TMEM108: variants seen among roughly 807,000 people sequenced by gnomAD.
TMEM108 encodes cancer/testis antigen 124.
A neutral mutation model predicts 35.1 loss-of-function variants in TMEM108; 12 were observed. That is an observed-to-expected ratio of 0.34 (90% CI 0.22 to 0.55). The LOEUF (loss-of-function observed/expected upper bound fraction) is 0.55, where lower values mean the gene tolerates loss of function less well. TMEM108 is among the 20% of genes least tolerant of loss of function. TMEM108 has a pLI of 0.89. For missense variants in TMEM108, 680 were observed against 753.3 expected (o/e 0.90, Z 1.14); for synonymous variants, 287 against 308.6 (o/e 0.93, Z 0.73).
At chr3:133,175,042 T>G (rs971991685) in intron 2 of TMEM108, among the ~76,000 whole-genome samples, 2 of 152,148 alleles carry the variant, frequency 1.3e-5, no homozygotes, top group African/African-American at 4.8e-5. Flanking sequence ...CAAGCCTCAG[T>G]AACCGATGCG....
chr3:133,292,320 C>A (rs1947081760), intron 3 of TMEM108, among the ~76,000 whole-genome samples: 1 of 152,184 alleles, frequency 6.6e-6, no homozygotes, highest in South Asian at 2.1e-4. Flanking sequence ...CATAAGATTT[C>A]TTCAAATAAA....
intron 3 of TMEM108, among the ~76,000 whole-genome samples, chr3:133,334,825 G>A (rs1041978565): frequency 6.6e-6 from 1 of 152,160 alleles, no homozygotes; most frequent in African/African-American, 2.4e-5. Flanking sequence ...CCTGGCATCA[G>A]GATAGTTAGA....
At chr3:133,227,905 T>C (rs887641657) in intron 2 of TMEM108, among the ~76,000 whole-genome samples, 3 of 151,794 alleles carry the variant, frequency 2.0e-5, no homozygotes, top group African/African-American at 7.3e-5. Context: ...AAAAAAAACA[T>C]AAAATAAAAT....
intron 4 of TMEM108, among the ~76,000 whole-genome samples, chr3:133,384,792 T>C (rs2073103959): frequency 6.6e-6 from 1 of 152,344 alleles, no homozygotes; most frequent in South Asian, 2.1e-4. Context: ...TGCCTGTTTG[T>C]CACATGTGAT....
rs557143306 is a variant in TMEM108 at position 133,226,745 on chromosome 3, T to A, written c.-46-2521T>A. On this transcript the variant is annotated intron_variant, in intron 2 of 5. Coordinates refer to ENST00000321871, the MANE Select transcript of TMEM108 (RefSeq NM_023943.4). ...TAATATCTAAGAATAGGAAAATATT[T>A]AGAATATAATAAATGAAATAAAAAA... 7.9e-5 allele frequency among the ~76,000 whole-genome samples: 12 copies of A among 152,278 alleles called. No individual in the cohort carries two copies. In the East Asian group the frequency reaches 2.3e-3, roughly 29 times the overall value.
intron 2 of TMEM108, among the ~76,000 whole-genome samples, chr3:133,102,078 G>A (rs773117163): frequency 1.3e-5 from 2 of 152,110 alleles, no homozygotes; most frequent in Non-Finnish European, 2.9e-5. Flanking sequence ...ATTAAGTTAC[G>A]TGATTGTAAT....
intron 2 of TMEM108, among the ~76,000 whole-genome samples, chr3:133,096,831 A>C (rs1470336486): frequency 6.6e-6 from 1 of 152,220 alleles, no homozygotes; most frequent in Non-Finnish European, 1.5e-5. Flanking sequence ...ACTGACACTG[A>C]ATAAATGATT....
Position 133,089,183 on chromosome 3 carries a change from C to T in TMEM108, c.-47+43163C>T, listed in dbSNP as rs530009879. On this transcript the variant is annotated intron_variant, in intron 2 of 5. Transcript: ENST00000321871. ...GCTCCTGTAATCCAATCACCTCCCA[C>T]CAGGCCCCTCCTCTAACATTGGGGA... is the stretch of plus-strand genomic sequence containing the variant. Among the ~76,000 whole-genome samples the T allele has an allele frequency of 2.0e-5, 3 of 152,272 alleles. No homozygotes were observed. The South Asian group carries it at 6.2e-4, about 32-fold the overall frequency.
At chr3:133,387,591 C>T in intron 4 of TMEM108, 1 of 959,716 alleles carries the variant, frequency 1.0e-6, no homozygotes, top group Non-Finnish European at 1.2e-6. Context: ...CCCAGGTTAG[C>T]AGCATGGCCT....
intron 2 of TMEM108, among the ~76,000 whole-genome samples, chr3:133,197,342 G>A (rs566479937): frequency 2.0e-5 from 3 of 152,214 alleles, no homozygotes; most frequent in Admixed American, 2.0e-4. Context: ...ATGAGCAGGC[G>A]GTTTATTTGG....
At chr3:133,120,016 G>T (rs1944333556) in intron 2 of TMEM108, among the ~76,000 whole-genome samples, 1 of 152,306 alleles carries the variant, frequency 6.6e-6, no homozygotes, top group African/African-American at 2.4e-5. Flanking sequence ...AGGGAGGAAT[G>T]TAATTAGTTA....
intron 5 of TMEM108, 53 bp from the exon 6 acceptor site, chr3:133,395,811 C>A: frequency 6.8e-7 from 1 of 1,462,102 alleles, no homozygotes; most frequent in Non-Finnish European, 9.1e-7. Flanking sequence ...TTAAGAATGG[C>A]CACCTCTTAA....
intron 3 of TMEM108, among the ~76,000 whole-genome samples, chr3:133,288,230 C>G (rs1433055041): frequency 1.3e-5 from 2 of 152,096 alleles, no homozygotes; most frequent in Non-Finnish European, 2.9e-5. Flanking sequence ...CTGATTTTTC[C>G]TAATACTTCT....
At chr3:133,202,279 C>A (rs764258435) in intron 2 of TMEM108, among the ~76,000 whole-genome samples, 47 of 152,170 alleles carry the variant, frequency 3.1e-4, no homozygotes, top group Non-Finnish European at 3.5e-4. Context: ...TTTTGCTGTG[C>A]AGAAGATCTT....
At chr3:133,108,971 C>G (rs997627613) in intron 2 of TMEM108, among the ~76,000 whole-genome samples, 1 of 152,042 alleles carries the variant, frequency 6.6e-6, no homozygotes, top group East Asian at 1.9e-4. Flanking sequence ...ATGTACCCTA[C>G]AACTTAAAAT....
chr3:133,372,005 A>T (rs1165329862), intron 3 of TMEM108, among the ~76,000 whole-genome samples: 1 of 152,202 alleles, frequency 6.6e-6, no homozygotes, highest in Non-Finnish European at 1.5e-5. Flanking sequence ...TCCTAACAAC[A>T]GTTTCAAGGC....
At chr3:133,262,328 C>A (rs1325433011) in intron 3 of TMEM108, among the ~76,000 whole-genome samples, 2 of 152,190 alleles carry the variant, frequency 1.3e-5, no homozygotes, top group Non-Finnish European at 2.9e-5. Flanking sequence ...TGTATAGTGT[C>A]ATATATTATT....
chr3:133,126,246 C>CATG (rs1211559395), intron 2 of TMEM108, among the ~76,000 whole-genome samples: 1 of 152,048 alleles, frequency 6.6e-6, no homozygotes, highest in Non-Finnish European at 1.5e-5. Flanking sequence ...GTGGGTGGAC[C>CATG]ATGAGGTCAG....
chr3:133,240,666 C>G (rs568024680), intron 3 of TMEM108, among the ~76,000 whole-genome samples: 4 of 152,246 alleles, frequency 2.6e-5, no homozygotes, highest in African/African-American at 9.6e-5. Context: ...ATTTCAAGCT[C>G]TCATGTTGTC....
Sources: gnomAD v4.1 joint callset for allele counts (sites outside exome capture counted in the v4.1 genomes callset) on GRCh38, gnomAD v4.1.1 for gene constraint, MANE v1.5 for transcripts, NCBI Gene and HGNC (gene_info 2026-07-23, HGNC 2026-07-21) for gene names.